GPR39: variants seen among roughly 807,000 people sequenced by gnomAD.
The protein encoded by GPR39 is G protein-coupled receptor 39.
A neutral mutation model predicts 18.4 loss-of-function variants in GPR39; 23 were observed. The ratio of observed to expected loss-of-function variants is 1.25; its 90% CI spans 0.90 to 1.77. GPR39 has a LOEUF of 1.77. GPR39 is among the 40% of genes most tolerant of loss of function. GPR39 has a pLI of 0.00. For synonymous variants in GPR39, 280 were observed against 257.9 expected (o/e 1.09, Z -0.82); for missense variants, 647 against 602.4 (o/e 1.07, Z -0.78).
intron 1 of GPR39, among the ~76,000 whole-genome samples, chr2:132,552,443 C>T (rs1680059899): frequency 6.6e-6 from 1 of 152,078 alleles, no homozygotes; most frequent in Non-Finnish European, 1.5e-5. Flanking sequence ...CTGGAAGCTT[C>T]CTGAGGCCTC....
In GPR39 at chr2:132,645,367, C is replaced by T; in HGVS notation, c.1123C>T (p.Arg375Cys). ...LQHANHEKRLRVHAHSTTDSA... is the reference protein window; with the variant it reads ...LQHANHEKRLCVHAHSTTDSA... ...GCACGCCAACCACGAGAAGCGCCTG[C>T]GCGTACATGCGCACTCCACCACCGA... The change falls in exon 2 of 2, where the codon CGC (arginine) becomes TGC (cysteine). Residue 375 changes from arginine (R) to cysteine (C), a missense_variant. By Grantham distance (180) the Arg-to-Cys change is radical (BLOSUM62 -3). Transcript: ENST00000329321. 1 of 1,613,886 alleles carries T rather than the reference C, an allele frequency of 6.2e-7. No individual in the cohort carries two copies. The highest frequency in any genetic ancestry group is 8.5e-7 in the Non-Finnish European group (1 of 1,179,986).
intron 1 of GPR39, among the ~76,000 whole-genome samples, chr2:132,470,582 G>T (rs1374148589): frequency 6.6e-6 from 1 of 152,152 alleles, no homozygotes; most frequent in East Asian, 1.9e-4. Flanking sequence ...TCTGAGTAAA[G>T]GGTGAGCCAT....
At chr2:132,535,575 T>G (rs1679740399) in intron 1 of GPR39, among the ~76,000 whole-genome samples, 1 of 152,156 alleles carries the variant, frequency 6.6e-6, no homozygotes. Context: ...GCTGGCCTCA[T>G]AAAATGAGTT....
Position 132,646,388 on chromosome 2 carries a change from C to G in GPR39, c.*782C>G, listed in dbSNP as rs1682079486. The G allele has an allele frequency of 1.5e-6, 1 of 648,926 alleles. No homozygotes were observed. Among genetic ancestry groups the G allele is most frequent in the Non-Finnish European group, 2.4e-6 (1 of 421,384 alleles). 40.2% of individuals were successfully genotyped at this position (648,926 alleles called of 1,614,324 possible). A position where few individuals can be genotyped will look rare whatever the true frequency, so the allele number is the denominator to read the frequency against. On this transcript the variant is annotated 3_prime_UTR_variant, in exon 2 of 2. Transcript: ENST00000329321. ...AGCTCTTCCTTACTCCTCCCACAGC[C>G]CAGAGACTAGGTGAGGTCAGGGAAG...
At chr2:132,616,999 A>C (rs938757002) in intron 1 of GPR39, among the ~76,000 whole-genome samples, 2 of 152,116 alleles carry the variant, frequency 1.3e-5, no homozygotes, top group Admixed American at 6.5e-5. Flanking sequence ...ATTTTTAAAA[A>C]ATTTTTTTCC....
intron 1 of GPR39, among the ~76,000 whole-genome samples, chr2:132,642,771 G>A (rs1681878463): frequency 6.6e-6 from 1 of 152,158 alleles, no homozygotes; most frequent in African/African-American, 2.4e-5. Flanking sequence ...ACCTCCCATG[G>A]TGTAGCACAG....
At chr2:132,454,506 G>A (rs543844898) in intron 1 of GPR39, among the ~76,000 whole-genome samples, 82 of 150,998 alleles carry the variant, frequency 5.4e-4, no homozygotes, top group African/African-American at 1.9e-3. Flanking sequence ...TGGCCAGAAC[G>A]TCCAACACTA....
chr2:132,601,661 A>G (rs1379913252), intron 1 of GPR39, among the ~76,000 whole-genome samples: 1 of 152,184 alleles, frequency 6.6e-6, no homozygotes, highest in Non-Finnish European at 1.5e-5. Context: ...ACATGGTCTT[A>G]CATATAGGAA....
At chr2:132,587,937 G>A (rs1680761067) in intron 1 of GPR39, among the ~76,000 whole-genome samples, 2 of 152,136 alleles carry the variant, frequency 1.3e-5, no homozygotes, top group Admixed American at 1.3e-4. Context: ...ATGAGGAGTT[G>A]ACTGGAATAA....
intron 1 of GPR39, among the ~76,000 whole-genome samples, chr2:132,542,301 G>C (rs114352455): frequency 0.012 from 1,894 of 152,252 alleles, 47 homozygotes; most frequent in African/African-American, 0.043. Flanking sequence ...AAATAGTGAG[G>C]TGACAAGGTA....
intron 1 of GPR39, among the ~76,000 whole-genome samples, chr2:132,642,447 G>T (rs747563146): frequency 1.3e-5 from 2 of 152,148 alleles, no homozygotes; most frequent in Non-Finnish European, 2.9e-5. Flanking sequence ...CTTGTACCTG[G>T]AGGCTGGGTC....
At chr2:132,590,487 G>A (rs1299266414) in intron 1 of GPR39, among the ~76,000 whole-genome samples, 1 of 152,152 alleles carries the variant, frequency 6.6e-6, no homozygotes, top group Non-Finnish European at 1.5e-5. Flanking sequence ...AGTGGAATGA[G>A]GAGTGGACTA....
At chr2:132,610,388 A>G (rs1454817651) in intron 1 of GPR39, among the ~76,000 whole-genome samples, 3 of 152,196 alleles carry the variant, frequency 2.0e-5, no homozygotes, top group Non-Finnish European at 4.4e-5. Flanking sequence ...TGTATCATGT[A>G]TGATGGCTTG....
chr2:132,492,623 C>CACACCATCTATATAT (rs1681504432), intron 1 of GPR39, among the ~76,000 whole-genome samples: 1 of 68,584 alleles, frequency 1.5e-5, no homozygotes, highest in African/African-American at 3.7e-5. Flanking sequence ...TCTATATATA[C>CACACCATCTATATAT]AATATATATA....
intron 1 of GPR39, among the ~76,000 whole-genome samples, chr2:132,529,300 T>TG (rs912820639): frequency 2.0e-5 from 3 of 152,032 alleles, no homozygotes; most frequent in African/African-American, 7.2e-5. Flanking sequence ...GCAGCGAGGC[T>TG]GGGGGAGGGG....
Position 132,645,801 on chromosome 2 carries a change from C to T in GPR39, c.*195C>T. 7.8e-6 allele frequency: 6 copies of T among 770,790 alleles called. No individual in the cohort carries two copies. Among genetic ancestry groups the T allele is most frequent in the Non-Finnish European group, 1.2e-5 (6 of 494,662 alleles). 47.7% of individuals were successfully genotyped at this position (770,790 alleles called of 1,614,324 possible). On this transcript the variant is annotated 3_prime_UTR_variant, in exon 2 of 2. Transcript: ENST00000329321. ...CTGGCCTTGACTCCGGTTACACAGA[C>T]ATGGGGGTGAACTTTCACTCCACCT...
intron 1 of GPR39, among the ~76,000 whole-genome samples, chr2:132,642,663 C>T (rs1256406614): frequency 6.6e-6 from 1 of 152,178 alleles, no homozygotes; most frequent in East Asian, 1.9e-4. Context: ...CTTCTCATTG[C>T]CTTTGTCTGT....
At chr2:132,470,972 C>A (rs564505197) in intron 1 of GPR39, among the ~76,000 whole-genome samples, 1 of 152,182 alleles carries the variant, frequency 6.6e-6, no homozygotes, top group Admixed American at 6.5e-5. Context: ...ATCCTTTGGG[C>A]ATAACCTTTG....
intron 1 of GPR39, among the ~76,000 whole-genome samples, chr2:132,599,483 G>A (rs964305711): frequency 1.1e-4 from 17 of 152,146 alleles, no homozygotes; most frequent in African/African-American, 3.1e-4. Context: ...TTCTCTGCAC[G>A]AGGTGAATGT....
Sources: gnomAD v4.1 joint callset for allele counts (sites outside exome capture counted in the v4.1 genomes callset) on GRCh38, gnomAD v4.1.1 for gene constraint, MANE v1.5 for transcripts, NCBI Gene and HGNC (gene_info 2026-07-23, HGNC 2026-07-21) for gene names.